The following MMP28 variants were observed in gnomAD, a reference collection of about 807,000 sequenced individuals.
The protein encoded by MMP28 is matrix metalloproteinase-28.
MMP28 carries 55 observed loss-of-function variants against 60.5 expected under a neutral mutation model. That is an observed-to-expected ratio of 0.91 (90% CI 0.73 to 1.14). The LOEUF (loss-of-function observed/expected upper bound fraction) is 1.14. Among genes scored for constraint, MMP28 ranks in the 50% most tolerant of loss-of-function variants. The probability of loss-of-function intolerance (pLI) is 0.00; values close to 1 mark genes in which losing one functional copy is unlikely to be tolerated. For missense variants in MMP28, 686 were observed against 738.3 expected, an observed-to-expected ratio of 0.93 and a Z score of 0.82; for synonymous variants, 318 against 312.5, an observed-to-expected ratio of 1.02 and a Z score of -0.18.
chr17:35,795,232 C>T, intron 1 of MMP28, 35 bp downstream of exon 1: 1 of 1,345,980 alleles, frequency 7.4e-7, no homozygotes, highest in Non-Finnish European at 9.6e-7. Context: ...GTCTCAAGCA[C>T]ACGCACCGCT....
rs368107958 is a variant in MMP28, at chr17:35,768,246, G to A, written c.984C>T (p.Phe328=). Residue 328 remains phenylalanine, a synonymous_variant, in exon 6 of 8, where the codon TTC becomes TTT. Transcript: ENST00000605424. ...TQGPKYCHSS[F]DAITVDRQQQ... ...CCTTCTTACCTACAGTGATGGCATC[G>A]AAGGAAGAGTGGCAGTATTTAGGGC... The A allele has an allele frequency of 4.1e-5, 66 of 1,608,326 alleles. No individual in the cohort carries two copies. The highest frequency in any genetic ancestry group is 8.6e-5 in the Admixed American group (5 of 58,442).
downstream of MMP28, among the ~76,000 whole-genome samples, chr17:35,761,545 C>G (rs1174098759): frequency 2.0e-5 from 3 of 152,138 alleles, no homozygotes; most frequent in African/African-American, 7.2e-5. Flanking sequence ...TCCCAAAGTG[C>G]TGGGATTACA....
At chr17:35,768,433 T>C in intron 5 of MMP28, 54 bp from the exon 6 acceptor site, 1 of 1,425,028 alleles carries the variant, frequency 7.0e-7, no homozygotes, top group South Asian at 1.4e-5. Context: ...GTAGAGGGTA[T>C]GCTGTGCACT....
intron 2 of MMP28, among the ~76,000 whole-genome samples, chr17:35,756,920 G>A (rs185112022): frequency 9.9e-5 from 15 of 152,032 alleles, no homozygotes; most frequent in Admixed American, 3.3e-4. Context: ...AGACTGGGCC[G>A]GACACAGTGG....
In MMP28 at chr17:35,773,262, TG is replaced by T; in HGVS notation, c.521del (p.Pro174GlnfsTer53). ...GCCGGATGTCAGCGGGGCCTGTGGCTGGGGCCTCCCAGAACTCCAGCGCTGA... is the reference window on the plus strand; with the variant it reads ...GCCGGATGTCAGCGGGGCCTGTGGCTGGGCCTCCCAGAACTCCAGCGCTGA... ...NVSALEFWEAPATGPADIRLT... is the reference protein window; with the variant it reads ...NVSALEFWEAXATGPADIRLT... On this transcript the variant is annotated frameshift_variant, in exon 4 of 8. Transcript: ENST00000605424. LOFTEE classifies it high-confidence loss of function. 6.2e-7 allele frequency: 1 copy of T among 1,614,024 alleles called. No individual in the cohort carries two copies. The highest frequency in any genetic ancestry group is 8.5e-7 in the Non-Finnish European group (1 of 1,179,888).
chr17:35,795,220 A>G, intron 1 of MMP28, 47 bp downstream of exon 1: 1 of 1,278,850 alleles, frequency 7.8e-7, no homozygotes, highest in Non-Finnish European at 1.0e-6. Flanking sequence ...GAGTTCTGAC[A>G]GGTCTCAAGC....
Position 35,795,367 on chromosome 17 carries a change from C to G in MMP28, c.11G>C (p.Arg4Pro). The part of the protein sequence containing the change: MVA[R>P]VGLLLRALQL... ...CAGGGCGCGCAGCAGGAGGCCGACG[C>G]GCGCGACCATCTCGCCGCCTCCGGT... Residue 4 changes from arginine (R) to proline (P), a missense_variant, in exon 1 of 8, where the codon CGC becomes CCC. Physicochemically the swap from Arg to Pro is moderately radical, Grantham distance 103 (BLOSUM62 -2). Transcript: ENST00000605424. 1 of 1,442,482 alleles carries G rather than the reference C, an allele frequency of 6.9e-7. No homozygotes were observed. The highest frequency in any genetic ancestry group is 9.1e-7 in the Non-Finnish European group (1 of 1,100,562). 89.4% of individuals were successfully genotyped at this position (1,442,482 alleles called of 1,614,324 possible).
chr17:35,787,730 C>G (rs1032546675), intron 1 of MMP28, among the ~76,000 whole-genome samples: 5 of 152,100 alleles, frequency 3.3e-5, no homozygotes, highest in Non-Finnish European at 7.4e-5. Flanking sequence ...CTCAAGTGAT[C>G]CACCTAACTT....
intron 1 of MMP28, among the ~76,000 whole-genome samples, chr17:35,784,921 A>G (rs779373344): frequency 1.9e-4 from 29 of 152,166 alleles, no homozygotes; most frequent in Non-Finnish European, 3.5e-4. Context: ...TAGGGAGCCC[A>G]AGGCTTGAGC....
chr17:35,776,246 AC>A lies in MMP28; in HGVS notation c.379+2641del, dbSNP rs1555607610. Among the ~76,000 whole-genome samples, 3 of 151,172 alleles carry A rather than the reference AC, an allele frequency of 2.0e-5. No individual in the cohort carries two copies. The East Asian group carries it at 5.9e-4, about 30-fold the overall frequency. ...GAGTGCAGTGGCGCGATTTTGGCTCACTGCAACCTCTACCTCCCGGGTTCAA... is the reference window on the plus strand; with the variant it reads ...GAGTGCAGTGGCGCGATTTTGGCTCATGCAACCTCTACCTCCCGGGTTCAA... On this transcript the variant is annotated intron_variant, in intron 3 of 7. Coordinates refer to ENST00000605424, the MANE Select transcript of MMP28 (RefSeq NM_024302.5).
chr17:35,767,313 A>G (rs2085977512), intron 7 of MMP28, among the ~76,000 whole-genome samples: 1 of 152,200 alleles, frequency 6.6e-6, no homozygotes, highest in South Asian at 2.1e-4. Flanking sequence ...AAGTATTAAC[A>G]TGTATCTAGT....
intron 2 of MMP28, chr17:35,756,445 C>T (rs1368572237): frequency 6.2e-6 from 6 of 975,610 alleles, no homozygotes; most frequent in African/African-American, 1.8e-5. Flanking sequence ...ACAGAGAGGA[C>T]GGAATGCACC....
At chr17:35,767,630 G>A in intron 7 of MMP28, 122 bp downstream of exon 7, 1 of 1,185,794 alleles carries the variant, frequency 8.4e-7, no homozygotes, top group South Asian at 1.5e-5. Flanking sequence ...GGTTCAGATT[G>A]GAATGGAGAC....
At chr17:35,776,921 C>T (rs139055161) in intron 3 of MMP28, among the ~76,000 whole-genome samples, 20 of 152,070 alleles carry the variant, frequency 1.3e-4, no homozygotes, top group Middle Eastern at 3.4e-3. Flanking sequence ...GAGAGATGCT[C>T]GAAATTGTAT....
intron 1 of MMP28, among the ~76,000 whole-genome samples, chr17:35,786,781 G>A (rs1177423840): frequency 2.6e-5 from 4 of 151,524 alleles, no homozygotes; most frequent in Non-Finnish European, 5.9e-5. Context: ...TGGTAGTCAG[G>A]AGCACAATAA....
rs777195290 is a variant in MMP28 at position 35,795,394 on chromosome 17, C to T, written c.-17G>A. 1.6e-5 allele frequency: 22 copies of T among 1,401,192 alleles called. No individual in the cohort carries two copies. The South Asian group carries it at 3.1e-4, about 20-fold the overall frequency. The allele number at this position is 1,401,192 out of a possible 1,614,324, so 86.8% of individuals were successfully genotyped here. ...CGCGACCATCTCGCCGCCTCCGGTG[C>T]AGCCCGGCTCGGGGAGCTACTGCGC... On this transcript the variant is annotated 5_prime_UTR_variant, in exon 1 of 8. Coordinates refer to ENST00000605424, the MANE Select transcript of MMP28 (RefSeq NM_024302.5).
chr17:35,756,404 G>A (rs2085738027), exon 3 of MMP28: 1 of 984,804 alleles, frequency 1.0e-6, no homozygotes. Context: ...CGATCTCCCA[G>A]AACTTTGTCC....
At chr17:35,776,899 GAA>G (rs1179357322) in intron 3 of MMP28, among the ~76,000 whole-genome samples, 1 of 151,628 alleles carries the variant, frequency 6.6e-6, no homozygotes, top group African/African-American at 2.4e-5. Flanking sequence ...AAAAAAAAAA[GAA>G]AGAGAGAGAG....
chr17:35,770,550 A>T (rs530966359), intron 4 of MMP28, among the ~76,000 whole-genome samples: 2 of 152,220 alleles, frequency 1.3e-5, no homozygotes, highest in African/African-American at 4.8e-5. Context: ...TGTGGTGTAG[A>T]TATGGCATGG....
Sources: allele counts gnomAD v4.1 joint callset (sites outside exome capture counted in the v4.1 genomes callset), GRCh38; gene constraint gnomAD v4.1.1; transcripts MANE v1.5; gene names NCBI Gene and HGNC (gene_info 2026-07-23, HGNC 2026-07-21).